Variants in TENM2 observed in about 807,000 individuals in gnomAD.
TENM2 encodes the protein teneurin-2.
TENM2 carries 52 observed loss-of-function variants against 245.2 expected under a neutral mutation model. The observed-to-expected ratio is 0.21, with a 90% CI of 0.17 to 0.27. The LOEUF (loss-of-function observed/expected upper bound fraction) is 0.27, where lower values mean the gene tolerates loss of function less well. TENM2 is among the 10% of genes least tolerant of loss of function. The pLI is 1.00. For missense variants in TENM2, 3,046 were observed against 3,666.8 expected (o/e 0.83, Z 4.37); for synonymous variants, 1,363 against 1,438.9 (o/e 0.95, Z 1.19).
the TENM2 span, among the ~76,000 whole-genome samples, chr5:167,084,495 G>A: frequency 6.6e-5 from 10 of 151,000 alleles, no homozygotes; most frequent in African/African-American, 2.4e-4. Context: ...ATAATAGCAA[G>A]CACATGGAGA....
At chr5:167,952,787 C>A in exon 4 of TENM2, 1 of 1,567,874 alleles carries the variant, frequency 6.4e-7, no homozygotes, top group Non-Finnish European at 8.6e-7. Context: ...TTCAGGACAG[C>A]TGGGTGCTAA....
intron 1 of TENM2, among the ~76,000 whole-genome samples, chr5:167,364,941 CGTT>C (rs1360215999): frequency 2.0e-5 from 3 of 151,722 alleles, no homozygotes; most frequent in East Asian, 1.9e-4. Context: ...ATTTGAAAAA[CGTT>C]GTTGACCACC....
intron 19 of TENM2, 44 bp downstream of exon 21, chr5:168,204,665 C>G (rs747181714): frequency 1.3e-6 from 2 of 1,599,142 alleles, no homozygotes; most frequent in Non-Finnish European, 1.7e-6. Flanking sequence ...TCTTGCCCCC[C>G]ATAACTCCTG....
intron 8 of TENM2, among the ~76,000 whole-genome samples, chr5:168,094,468 T>G (rs1332518254): frequency 6.6e-6 from 1 of 152,088 alleles, no homozygotes; most frequent in Non-Finnish European, 1.5e-5. Flanking sequence ...TAGGAATGAC[T>G]TCAAAAAATG....
chr5:167,789,270 A>G (rs1346193857), intron 2 of TENM2, among the ~76,000 whole-genome samples: 1 of 152,208 alleles, frequency 6.6e-6, no homozygotes, highest in Admixed American at 6.5e-5. Context: ...AAAGTAGGGT[A>G]ATGTAACCCT....
At chr5:167,355,317 TCTGATAATG>T (rs1164370417) in intron 1 of TENM2, among the ~76,000 whole-genome samples, 1 of 152,180 alleles carries the variant, frequency 6.6e-6, no homozygotes, top group Admixed American at 6.5e-5. Flanking sequence ...GGGGTGTGTT[TCTGATAATG>T]CTGATGGATA....
intron 4 of TENM2, among the ~76,000 whole-genome samples, chr5:167,972,849 T>C (rs1474748332): frequency 6.6e-6 from 1 of 152,180 alleles, no homozygotes; most frequent in Non-Finnish European, 1.5e-5. Context: ...TACCTCTTCT[T>C]AATGCCAGAT....
At chr5:167,124,588 T>G in the TENM2 span, among the ~76,000 whole-genome samples, 1 of 152,314 alleles carries the variant, frequency 6.6e-6, no homozygotes, top group Non-Finnish European at 1.5e-5. Flanking sequence ...AATACACTAT[T>G]CGCTCTTTCC....
chr5:167,064,296 C>G, the TENM2 span, among the ~76,000 whole-genome samples: 1 of 152,098 alleles, frequency 6.6e-6, no homozygotes, highest in African/African-American at 2.4e-5. Context: ...TTCCACGGCC[C>G]AATTTGTTAT....
At chr5:167,098,046 G>A in the TENM2 span, among the ~76,000 whole-genome samples, 2 of 152,026 alleles carry the variant, frequency 1.3e-5, no homozygotes, top group East Asian at 3.9e-4. Flanking sequence ...TCTTTCAGTC[G>A]TGCATTTCTA....
intron 2 of TENM2, among the ~76,000 whole-genome samples, chr5:167,769,942 G>A (rs192517882): frequency 6.6e-6 from 1 of 152,070 alleles, no homozygotes; most frequent in African/African-American, 2.4e-5. Context: ...AGAGTTTGTT[G>A]TTCACTAAAT....
chr5:167,722,992 G>A (rs1759739148), intron 2 of TENM2, among the ~76,000 whole-genome samples: 1 of 152,138 alleles, frequency 6.6e-6, no homozygotes, highest in African/African-American at 2.4e-5. Context: ...GAATGATAGT[G>A]TTAGATTTCT....
chr5:167,069,743 A>T, the TENM2 span, among the ~76,000 whole-genome samples: 1 of 152,198 alleles, frequency 6.6e-6, no homozygotes, highest in Non-Finnish European at 1.5e-5. Flanking sequence ...ATGTTTACTT[A>T]ATTTTCATTT....
At chr5:167,203,847 C>A in the TENM2 span, among the ~76,000 whole-genome samples, 1 of 147,912 alleles carries the variant, frequency 6.8e-6, no homozygotes, top group Non-Finnish European at 1.5e-5. Context: ...ATCTTGCATA[C>A]CGAAAAAAAA....
intron 4 of TENM2, among the ~76,000 whole-genome samples, chr5:167,975,442 T>C (rs1469235525): frequency 6.7e-6 from 1 of 149,626 alleles, no homozygotes; most frequent in East Asian, 2.2e-4. Flanking sequence ...TGGTTACCTT[T>C]CTTAGTGGCA....
intron 3 of TENM2, among the ~76,000 whole-genome samples, chr5:167,932,203 C>A (rs542663082): frequency 4.6e-5 from 7 of 152,184 alleles, no homozygotes; most frequent in Middle Eastern, 6.8e-3. Context: ...AGGTCTCAGT[C>A]CCCTACAGAC....
chr5:167,570,934 G>C (rs200682865), intron 2 of TENM2, among the ~76,000 whole-genome samples: 1 of 152,138 alleles, frequency 6.6e-6, no homozygotes, highest in Non-Finnish European at 1.5e-5. Context: ...TGCTTCGAGG[G>C]TGAGTTCATG....
chr5:167,505,390 T>C (rs868488814), intron 2 of TENM2, among the ~76,000 whole-genome samples: 23 of 152,296 alleles, frequency 1.5e-4, no homozygotes, highest in Middle Eastern at 3.4e-3. Context: ...GAAGAATGTG[T>C]GAAGGTATTA....
At chr5:167,646,200 C>CATATATATATATATATATATATATAT in intron 2 of TENM2, among the ~76,000 whole-genome samples, 1 of 63,438 alleles carries the variant, frequency 1.6e-5, no homozygotes, top group Non-Finnish European at 3.1e-5. Flanking sequence ...ATGTTGTTTT[C>CATATATATATATATATATATATATAT]ATATATATAT....
Sources: gnomAD v4.1 joint callset for allele counts (sites outside exome capture counted in the v4.1 genomes callset) on GRCh38, gnomAD v4.1.1 for gene constraint, MANE v1.5 for transcripts, NCBI Gene and HGNC (gene_info 2026-07-23, HGNC 2026-07-21) for gene names.